The following ZNF385D variants were observed in gnomAD, a reference collection of about 807,000 sequenced individuals.
ZNF385D encodes the protein zinc finger protein 385D.
Under a neutral mutation model 35.8 loss-of-function variants are expected in ZNF385D, and 15 were observed. The ratio of observed to expected loss-of-function variants is 0.42; its 90% CI spans 0.28 to 0.64. The LOEUF is 0.64. Among genes scored for constraint, ZNF385D ranks in the 30% least tolerant of loss-of-function variants. The pLI is 0.23. For missense variants in ZNF385D, 474 were observed against 494.6 expected, an observed-to-expected ratio of 0.96 and a Z score of 0.39; for synonymous variants, 212 against 186.8, an observed-to-expected ratio of 1.13 and a Z score of -1.10.
chr3:21,887,017 T>C (rs1486059812), intron 3 of ZNF385D, among the ~76,000 whole-genome samples: 5 of 152,130 alleles, frequency 3.3e-5, no homozygotes, highest in Admixed American at 3.3e-4. Flanking sequence ...CCTCCAAGGA[T>C]GTCCCCTTGG....
chr3:22,035,570 T>A (rs1230394521), intron 3 of ZNF385D, among the ~76,000 whole-genome samples: 1 of 152,192 alleles, frequency 6.6e-6, no homozygotes, highest in Non-Finnish European at 1.5e-5. Context: ...CTTGCTTAAG[T>A]AATTGTCTTT....
intron 3 of ZNF385D, among the ~76,000 whole-genome samples, chr3:21,819,602 T>C (rs2073302990): frequency 6.8e-6 from 1 of 146,914 alleles, no homozygotes; most frequent in Non-Finnish European, 1.5e-5. Flanking sequence ...CATATGTGTG[T>C]ATATATGTTA....
intron 4 of ZNF385D, among the ~76,000 whole-genome samples, chr3:21,483,009 C>T (rs1704746718): frequency 6.6e-6 from 1 of 152,044 alleles, no homozygotes; most frequent in African/African-American, 2.4e-5. Flanking sequence ...TCACATTTTA[C>T]CAGCTTTAAC....
intron 4 of ZNF385D, among the ~76,000 whole-genome samples, chr3:21,480,851 G>T (rs539597413): frequency 7.2e-5 from 11 of 152,240 alleles, no homozygotes; most frequent in African/African-American, 1.7e-4. Flanking sequence ...CGGATATGGT[G>T]TTCAAAACAA....
At chr3:21,626,239 C>T (rs984820313) in intron 2 of ZNF385D, among the ~76,000 whole-genome samples, 3 of 152,028 alleles carry the variant, frequency 2.0e-5, no homozygotes, top group African/African-American at 7.2e-5. Context: ...AGAAGCCCCT[C>T]ATATGTGTCC....
At chr3:21,631,717 GCTTT>G (rs1222777961) in intron 2 of ZNF385D, among the ~76,000 whole-genome samples, 5 of 151,990 alleles carry the variant, frequency 3.3e-5, no homozygotes, top group African/African-American at 1.2e-4. Context: ...TTACTTTTTG[GCTTT>G]CTTTTTTAAA....
chr3:21,567,506 A>G (rs998368059), intron 2 of ZNF385D, among the ~76,000 whole-genome samples: 3 of 152,160 alleles, frequency 2.0e-5, no homozygotes, highest in Admixed American at 2.0e-4. Flanking sequence ...GGATCATTCT[A>G]TCACATCTAT....
At chr3:21,771,164 C>G (rs1055846823) in intron 3 of ZNF385D, among the ~76,000 whole-genome samples, 9 of 151,468 alleles carry the variant, frequency 5.9e-5, no homozygotes, top group Non-Finnish European at 1.2e-4. Context: ...GGGTGCAGCA[C>G]ACCAACATGG....
chr3:22,260,519 A>G (rs1283346713), intron 2 of ZNF385D, among the ~76,000 whole-genome samples: 1 of 152,058 alleles, frequency 6.6e-6, no homozygotes, highest in African/African-American at 2.4e-5. Context: ...TTAAAAAAAA[A>G]GAAAACTACA....
intron 2 of ZNF385D, among the ~76,000 whole-genome samples, chr3:22,359,077 A>G (rs1440844638): frequency 7.6e-6 from 1 of 131,394 alleles, no homozygotes. Flanking sequence ...AAAAAACCAA[A>G]AAAAAAAACA....
chr3:21,488,614 C>T (rs1705197091), intron 4 of ZNF385D, among the ~76,000 whole-genome samples: 1 of 152,088 alleles, frequency 6.6e-6, no homozygotes, highest in African/African-American at 2.4e-5. Context: ...ATTTGACTCT[C>T]TCTGTGAGAA....
rs116387788 is a variant in ZNF385D at position 22,256,056 on chromosome 3, C to T, written c.107-87021G>A. Among the ~76,000 whole-genome samples, 896 of 151,792 alleles carry T rather than the reference C, an allele frequency of 5.9e-3. 7 individuals carry two copies. The highest frequency in any genetic ancestry group is 0.02 in the African/African-American group (845 of 41,472). On this transcript the variant is annotated intron_variant, in intron 2 of 5. Coordinates refer to the ZNF385D transcript ENST00000494108. ...AATTAGACAAGAAAAACTGGCTTAG[C>T]TTCCCAGTCTACATCTTTCTCCCAT... is the stretch of plus-strand genomic sequence containing the variant.
chr3:21,800,303 G>T (rs1301418000), intron 3 of ZNF385D, among the ~76,000 whole-genome samples: 1 of 152,174 alleles, frequency 6.6e-6, no homozygotes, highest in Non-Finnish European at 1.5e-5. Flanking sequence ...TTTTGATAGG[G>T]ATGGCATTGA....
intron 3 of ZNF385D, among the ~76,000 whole-genome samples, chr3:21,809,866 G>C (rs990588187): frequency 2.2e-4 from 34 of 151,658 alleles, no homozygotes; most frequent in Admixed American, 2.0e-4. Flanking sequence ...CCTGAATTGA[G>C]GTATAACTAA....
At chr3:22,192,271 A>C (rs1696107426) in intron 2 of ZNF385D, among the ~76,000 whole-genome samples, 1 of 152,268 alleles carries the variant, frequency 6.6e-6, no homozygotes, top group East Asian at 1.9e-4. Context: ...AGATGTCTGC[A>C]ATGAGTTGCC....
intron 3 of ZNF385D, among the ~76,000 whole-genome samples, chr3:21,514,170 A>T (rs1220712819): frequency 6.6e-6 from 1 of 152,130 alleles, no homozygotes; most frequent in Non-Finnish European, 1.5e-5. Flanking sequence ...ATTCCCTAAG[A>T]GATTGTGTCT....
rs1228416994 is a variant in ZNF385D, at chr3:21,417,499, G to A, written c.*3715C>T. On this transcript the variant is annotated 3_prime_UTR_variant, in exon 8 of 8. Transcript: ENST00000281523. ...CTTCAATTCAGATCTAAAGAAACAG[G>A]CCTATATACCACTTCAGTTACCTTT... 6.6e-6 allele frequency: 1 copy of A among 151,996 alleles called. No individual in the cohort carries two copies. Among genetic ancestry groups the A allele is most frequent in the Non-Finnish European group, 1.5e-5 (1 of 67,980 alleles). The allele number at this position is 151,996 out of a possible 1,614,324, so 9.4% of individuals were successfully genotyped here.
At chr3:21,905,038 T>A (rs1291967432) in intron 3 of ZNF385D, among the ~76,000 whole-genome samples, 1 of 151,930 alleles carries the variant, frequency 6.6e-6, no homozygotes, top group African/African-American at 2.4e-5. Flanking sequence ...TATAATAGAT[T>A]AAAATACCTT....
chr3:21,993,372 T>A (rs1695262599), intron 3 of ZNF385D, among the ~76,000 whole-genome samples: 1 of 152,188 alleles, frequency 6.6e-6, no homozygotes, highest in Non-Finnish European at 1.5e-5. Context: ...GATAATTTAC[T>A]TCACTGTGGT....
Sources: gnomAD v4.1 joint callset for allele counts (sites outside exome capture counted in the v4.1 genomes callset) on GRCh38, gnomAD v4.1.1 for gene constraint, MANE v1.5 for transcripts, NCBI Gene and HGNC (gene_info 2026-07-23, HGNC 2026-07-21) for gene names.